Variants in CNTN3 observed in about 807,000 individuals in gnomAD.
CNTN3 encodes contactin 3.
CNTN3 carries 60 observed loss-of-function variants against 119.1 expected under a neutral mutation model. That is an observed-to-expected ratio of 0.50 (90% CI 0.41 to 0.62). The LOEUF is 0.62. CNTN3 is among the 20% of genes least tolerant of loss of function. CNTN3 has a pLI of 0.00. For synonymous variants in CNTN3, 450 were observed against 438.7 expected, an observed-to-expected ratio of 1.03 and a Z score of -0.32; for missense variants, 1,101 against 1,242.4, an observed-to-expected ratio of 0.89 and a Z score of 1.71.
intron 8 of CNTN3, among the ~76,000 whole-genome samples, chr3:74,366,721 A>ATTCATCTGTAAAATACAG (rs1482661096): frequency 6.8e-6 from 1 of 146,640 alleles, no homozygotes; most frequent in Non-Finnish European, 1.5e-5. Flanking sequence ...TTTTACAGAT[A>ATTCATCTGTAAAATACAG]ATGTATTCAT....
At chr3:74,400,488 G>A (rs1001491793) in intron 5 of CNTN3, among the ~76,000 whole-genome samples, 9 of 152,282 alleles carry the variant, frequency 5.9e-5, no homozygotes, top group South Asian at 2.1e-4. Context: ...GGGCTCCAGT[G>A]TGGAAAACTT....
At chr3:74,532,724 T>C (rs778666242) in intron 1 of CNTN3, among the ~76,000 whole-genome samples, 3 of 151,980 alleles carry the variant, frequency 2.0e-5, no homozygotes, top group Non-Finnish European at 2.9e-5. Context: ...CTAAAACTTA[T>C]GAATTGTTCA....
chr3:74,534,921 G>A (rs1238983732), intron 1 of CNTN3, among the ~76,000 whole-genome samples: 2 of 151,894 alleles, frequency 1.3e-5, no homozygotes, highest in Non-Finnish European at 2.9e-5. Flanking sequence ...AAATGGGAAT[G>A]GTATGCACAT....
At chr3:74,520,709 T>C (rs1281248740) in intron 2 of CNTN3, among the ~76,000 whole-genome samples, 1 of 151,480 alleles carries the variant, frequency 6.6e-6, no homozygotes, top group Non-Finnish European at 1.5e-5. Flanking sequence ...TATATGCTCC[T>C]TTGTATGTGA....
chr3:74,556,205 T>C (rs865857373), intron 1 of CNTN3, among the ~76,000 whole-genome samples: 20 of 152,204 alleles, frequency 1.3e-4, no homozygotes, highest in Admixed American at 1.3e-4. Flanking sequence ...CAATGGTTTA[T>C]AGTATGTTCA....
At chr3:74,287,768 T>C (rs971210397) in intron 19 of CNTN3, among the ~76,000 whole-genome samples, 1 of 152,134 alleles carries the variant, frequency 6.6e-6, no homozygotes, top group Non-Finnish European at 1.5e-5. Flanking sequence ...AAAGAGAGGC[T>C]GGGATATTTA....
intron 5 of CNTN3, among the ~76,000 whole-genome samples, chr3:74,414,453 C>T (rs946795881): frequency 2.0e-5 from 3 of 152,152 alleles, no homozygotes; most frequent in African/African-American, 7.2e-5. Context: ...AAAGCATTTA[C>T]ATTTGTATGA....
At chr3:74,426,261 A>G (rs919336426) in intron 4 of CNTN3, among the ~76,000 whole-genome samples, 1 of 152,200 alleles carries the variant, frequency 6.6e-6, no homozygotes, top group Non-Finnish European at 1.5e-5. Context: ...CTATGGTGTC[A>G]CTTTCTGTAT....
chr3:74,359,057 CT>C (rs1394542490), intron 11 of CNTN3, among the ~76,000 whole-genome samples: 1 of 152,006 alleles, frequency 6.6e-6, no homozygotes, highest in African/African-American at 2.4e-5. Context: ...TTCCTCCTTG[CT>C]GTTGCCTGGG....
intron 2 of CNTN3, among the ~76,000 whole-genome samples, chr3:74,514,689 T>C (rs1027873020): frequency 1.2e-4 from 18 of 152,110 alleles, no homozygotes; most frequent in African/African-American, 4.1e-4. Context: ...ATATAGTTCT[T>C]GCAAAATAAT....
chr3:74,427,342 T>C (rs2106902539), intron 4 of CNTN3, among the ~76,000 whole-genome samples: 1 of 152,194 alleles, frequency 6.6e-6, no homozygotes, highest in Admixed American at 6.5e-5. Flanking sequence ...AGACGGACAG[T>C]AGTAGTAGCA....
At chr3:74,318,773 G>A (rs1702902546) in intron 13 of CNTN3, among the ~76,000 whole-genome samples, 4 of 152,214 alleles carry the variant, frequency 2.6e-5, no homozygotes, top group African/African-American at 7.2e-5. Context: ...CCTACTGGGG[G>A]GTGCCTCCCA....
At chr3:74,586,602 G>T (rs1406232498) in intron 1 of CNTN3, among the ~76,000 whole-genome samples, 1 of 152,004 alleles carries the variant, frequency 6.6e-6, no homozygotes, top group Non-Finnish European at 1.5e-5. Flanking sequence ...ACTTCCCTCT[G>T]TGAGCCTCAA....
At chr3:74,507,725 G>A (rs780040096) in intron 2 of CNTN3, among the ~76,000 whole-genome samples, 6 of 148,992 alleles carry the variant, frequency 4.0e-5, no homozygotes, top group African/African-American at 7.4e-5. Flanking sequence ...TCTGCCTCCC[G>A]GCTTCTAGCA....
At chr3:74,374,670 A>C (rs1386016594) in intron 5 of CNTN3, among the ~76,000 whole-genome samples, 1 of 152,118 alleles carries the variant, frequency 6.6e-6, no homozygotes, top group Non-Finnish European at 1.5e-5. Flanking sequence ...AGAAGAAAAA[A>C]TTCACCATTT....
At chr3:74,367,781 T>C (rs934884846) in intron 8 of CNTN3, among the ~76,000 whole-genome samples, 6 of 152,132 alleles carry the variant, frequency 3.9e-5, no homozygotes, top group Admixed American at 3.3e-4. Context: ...TTATTATGTA[T>C]ACAGGGTTTC....
In CNTN3 at chr3:74,302,744, T is replaced by C; in HGVS notation, c.1732A>G (p.Met578Val). Residue 578 changes from methionine to valine, a missense_variant, in exon 14 of 23, where the codon ATG (methionine) becomes GTG (valine). Coordinates refer to ENST00000263665, the MANE Select transcript of CNTN3 (RefSeq NM_020872.3). Reference sequence around the variant, plus strand: ...ACACTGTCCACCCCCGTTTGCACCATACAAACATATTTCCCACTGTGTTTC... The same window carrying C: ...ACACTGTCCACCCCCGTTTGCACCACACAAACATATTTCCCACTGTGTTTC... ...QLKHSGKYVC[M>V]VQTGVDSVSS... is the part of the protein sequence containing the mutation. The C allele has an allele frequency of 3.7e-6, 6 of 1,613,394 alleles. No homozygotes were observed. Among genetic ancestry groups the C allele is most frequent in the Non-Finnish European group, 5.1e-6 (6 of 1,179,596 alleles).
At chr3:74,294,840 C>T (rs1238383181) in intron 19 of CNTN3, among the ~76,000 whole-genome samples, 3 of 152,156 alleles carry the variant, frequency 2.0e-5, no homozygotes, top group Non-Finnish European at 4.4e-5. Flanking sequence ...AGTTCAATCT[C>T]ACCCTTATTT....
At chr3:74,410,138 T>C (rs534601219) in intron 5 of CNTN3, among the ~76,000 whole-genome samples, 1 of 152,188 alleles carries the variant, frequency 6.6e-6, no homozygotes, top group Non-Finnish European at 1.5e-5. Flanking sequence ...TATGTATCCA[T>C]ATCTTGTTCT....
Sources: gnomAD v4.1 joint callset for allele counts (sites outside exome capture counted in the v4.1 genomes callset) on GRCh38, gnomAD v4.1.1 for gene constraint, MANE v1.5 for transcripts, NCBI Gene and HGNC (gene_info 2026-07-23, HGNC 2026-07-21) for gene names.